Variants in FAM227B observed in about 807,000 individuals in gnomAD.
FAM227B encodes family with sequence similarity 227 member B.
Under a neutral mutation model 73.8 loss-of-function variants are expected in FAM227B, and 88 were observed. That is an observed-to-expected ratio of 1.19 (90% confidence interval 1.00 to 1.42). The LOEUF (loss-of-function observed/expected upper bound fraction) is 1.42, where lower values mean the gene tolerates loss of function less well. Among genes scored for constraint, FAM227B ranks in the 40% most tolerant of loss-of-function variants. The pLI, the probability that FAM227B is intolerant of heterozygous loss-of-function variation, is 0.00. For synonymous variants in FAM227B, 210 were observed against 190.5 expected (o/e 1.10, Z -0.84); for missense variants, 632 against 590.9 (o/e 1.07, Z -0.72).
At chr15:49,550,403 G>A (rs1458035616) in intron 9 of FAM227B, among the ~76,000 whole-genome samples, 14 of 151,574 alleles carry the variant, frequency 9.2e-5, no homozygotes, top group East Asian at 2.0e-4. Context: ...CCTCCCTCCC[G>A]GACGGGGTGG....
chr15:49,617,355 C>T (rs2153345217), intron 1 of FAM227B, among the ~76,000 whole-genome samples: 1 of 152,098 alleles, frequency 6.6e-6, no homozygotes, highest in Middle Eastern at 3.4e-3. Flanking sequence ...GATAATGCAT[C>T]CCTGAAACCA....
At chr15:49,533,785 G>C (rs917719969) in intron 10 of FAM227B, among the ~76,000 whole-genome samples, 24 of 151,712 alleles carry the variant, frequency 1.6e-4, no homozygotes, top group African/African-American at 5.8e-4. Flanking sequence ...GTCTCTTGTA[G>C]GCAGCATATA....
intron 11 of FAM227B, among the ~76,000 whole-genome samples, chr15:49,500,462 T>G (rs1204966906): frequency 6.6e-6 from 1 of 152,244 alleles, no homozygotes; most frequent in Non-Finnish European, 1.5e-5. Flanking sequence ...GAGGTTATTT[T>G]GGAGCTTTAA....
At chr15:49,524,935 T>C (rs1028941723) in intron 10 of FAM227B, among the ~76,000 whole-genome samples, 2 of 152,218 alleles carry the variant, frequency 1.3e-5, no homozygotes, top group Non-Finnish European at 2.9e-5. Context: ...TGTACTCTAA[T>C]TGTATCTAGG....
intron 11 of FAM227B, chr15:49,396,288 C>T (rs555267524): frequency 6.0e-5 from 24 of 401,418 alleles, no homozygotes; most frequent in Non-Finnish European, 7.8e-5. Flanking sequence ...GCTTTTCTGA[C>T]GGGCTTAAAA....
intron 9 of FAM227B, among the ~76,000 whole-genome samples, chr15:49,550,280 G>A (rs1198827327): frequency 6.2e-5 from 9 of 146,084 alleles, no homozygotes; most frequent in Admixed American, 4.0e-4. Context: ...CAGTAGGGGC[G>A]GCCGGGCAGA....
At chr15:49,480,644 G>T (rs1321820550) in intron 11 of FAM227B, among the ~76,000 whole-genome samples, 3 of 152,058 alleles carry the variant, frequency 2.0e-5, no homozygotes, top group African/African-American at 7.2e-5. Context: ...ACCACACCCG[G>T]ATAATTTTTT....
intron 11 of FAM227B, among the ~76,000 whole-genome samples, chr15:49,387,912 T>C (rs2046979144): frequency 6.6e-6 from 1 of 151,768 alleles, no homozygotes; most frequent in African/African-American, 2.4e-5. Context: ...TACCTACGAA[T>C]ATATTTAACT....
At chr15:49,600,667 A>G (rs1022955883) in intron 3 of FAM227B, among the ~76,000 whole-genome samples, 2 of 151,280 alleles carry the variant, frequency 1.3e-5, no homozygotes, top group African/African-American at 2.4e-5. Context: ...AAAAAAAAAA[A>G]AAATCCAGCC....
chr15:49,464,191 C>T (rs2054062131), intron 11 of FAM227B, among the ~76,000 whole-genome samples: 2 of 152,070 alleles, frequency 1.3e-5, no homozygotes, highest in African/African-American at 4.8e-5. Flanking sequence ...TCAGAATCTC[C>T]ACAGAGTATG....
At chr15:49,352,166 T>C (rs2042350099) in intron 13 of FAM227B, among the ~76,000 whole-genome samples, 1 of 152,182 alleles carries the variant, frequency 6.6e-6, no homozygotes, top group Admixed American at 6.5e-5. Flanking sequence ...GTTACTCATA[T>C]AGCAGCTAGT....
chr15:49,331,348 T>C (rs1457931836), intron 15 of FAM227B: 2 of 154,134 alleles, frequency 1.3e-5, no homozygotes, highest in African/African-American at 4.8e-5. Context: ...GCTCCTTTCT[T>C]TTCTTTCTTT....
intron 4 of FAM227B, among the ~76,000 whole-genome samples, 177 bp downstream of exon 4, chr15:49,589,599 C>T (rs931158852): frequency 7.0e-6 from 1 of 143,812 alleles, no homozygotes; most frequent in African/African-American, 2.5e-5. Context: ...AGACAACTGA[C>T]CATTACTTTA....
chr15:49,388,460 C>A (rs890267622), intron 11 of FAM227B, among the ~76,000 whole-genome samples: 2 of 151,890 alleles, frequency 1.3e-5, no homozygotes, highest in Non-Finnish European at 2.9e-5. Context: ...GGATTCCTAT[C>A]TCTCACCTTA....
chr15:49,512,481 T>G (rs1213217952), intron 10 of FAM227B, among the ~76,000 whole-genome samples: 1 of 152,254 alleles, frequency 6.6e-6, no homozygotes, highest in South Asian at 2.1e-4. Flanking sequence ...TTACCCACAA[T>G]CTTCCAGAAT....
chr15:49,397,580 G>A (rs1450847570), intron 11 of FAM227B, among the ~76,000 whole-genome samples: 1 of 152,120 alleles, frequency 6.6e-6, no homozygotes, highest in Non-Finnish European at 1.5e-5. Flanking sequence ...AGGAAAAAAT[G>A]TTAAGGGCAG....
At chr15:49,561,049 T>C (rs1402266827) in intron 9 of FAM227B, among the ~76,000 whole-genome samples, 6 of 152,208 alleles carry the variant, frequency 3.9e-5, no homozygotes, top group African/African-American at 1.4e-4. Context: ...TGAACGTATA[T>C]TGTCTTAATG....
chr15:49,593,519 TGA>T (rs1408932229), intron 3 of FAM227B, among the ~76,000 whole-genome samples: 1 of 152,146 alleles, frequency 6.6e-6, no homozygotes, highest in Non-Finnish European at 1.5e-5. Flanking sequence ...TGGTGATTTC[TGA>T]GATTTTGGTG....
intron 11 of FAM227B, among the ~76,000 whole-genome samples, chr15:49,419,984 T>A (rs1339957848): frequency 1.3e-5 from 2 of 152,170 alleles, no homozygotes; most frequent in African/African-American, 4.8e-5. Context: ...AAAGGATAAC[T>A]ACAATTTAAT....
Sources: allele counts gnomAD v4.1 joint callset (sites outside exome capture counted in the v4.1 genomes callset), GRCh38; gene constraint gnomAD v4.1.1; transcripts MANE v1.5; gene names NCBI Gene and HGNC (gene_info 2026-07-23, HGNC 2026-07-21).